The following ALG1 variants were observed in gnomAD, a reference collection of about 807,000 sequenced individuals.
ALG1 encodes chitobiosyldiphosphodolichol beta-mannosyltransferase.
ALG1 carries 58 observed loss-of-function variants against 55.1 expected under a neutral mutation model. That is an observed-to-expected ratio of 1.05 (90% CI 0.85 to 1.31). The LOEUF (loss-of-function observed/expected upper bound fraction) is 1.31, where lower values mean the gene tolerates loss of function less well. Ranked by LOEUF, ALG1 falls within the 50% of genes most tolerant of loss-of-function variation. The pLI, the probability that ALG1 is intolerant of heterozygous loss-of-function variation, is 0.00. For missense variants in ALG1, 761 were observed against 598.6 expected, an observed-to-expected ratio of 1.27 and a Z score of -2.83; for synonymous variants, 309 against 247.0, an observed-to-expected ratio of 1.25 and a Z score of -2.35.
chr16:5,080,369 C>T (rs1310152932), intron 9 of ALG1, among the ~76,000 whole-genome samples: 2 of 152,314 alleles, frequency 1.3e-5, no homozygotes, highest in East Asian at 1.9e-4. Flanking sequence ...CCGGCCATGT[C>T]ATTGGTGCCT....
chr16:5,080,603 CAGG>C (rs199568622), intron 9 of ALG1, among the ~76,000 whole-genome samples: 2,005 of 152,282 alleles, frequency 0.013, 22 homozygotes, highest in Non-Finnish European at 0.021. Context: ...TGTGCCAGGG[CAGG>C]AGGAGTCCTC....
At chr16:5,075,732 C>G (rs373387073) in intron 4 of ALG1, among the ~76,000 whole-genome samples, 196 bp downstream of exon 4, 1 of 152,148 alleles carries the variant, frequency 6.6e-6, no homozygotes, top group Non-Finnish European at 1.5e-5. Context: ...TTTTTTGGCC[C>G]ATGAAATGGA....
intron 3 of ALG1, 73 bp from the exon 4 acceptor site, chr16:5,075,315 G>A: frequency 2.7e-6 from 4 of 1,500,640 alleles, no homozygotes; most frequent in Non-Finnish European, 2.8e-6. Context: ...CATGTGTGTT[G>A]TGACTATTTT....
intron 5 of ALG1, 30 bp from the exon 6 acceptor site, chr16:5,077,877 C>T (rs1267572030): frequency 6.2e-7 from 1 of 1,602,976 alleles, no homozygotes. Context: ...CTTCAGCCCT[C>T]CCAATAGCCC....
intron 12 of ALG1, chr16:5,084,508 C>G (rs1006577379): frequency 1.5e-6 from 1 of 663,100 alleles, no homozygotes; most frequent in African/African-American, 1.8e-5. Context: ...ACGTAGAGGC[C>G]GGGAGGTGCT....
chr16:5,080,152 C>T (rs937231597), intron 9 of ALG1, among the ~76,000 whole-genome samples: 2 of 150,018 alleles, frequency 1.3e-5, no homozygotes, highest in Admixed American at 6.7e-5. Flanking sequence ...ACTGCAACCT[C>T]CGCCTCCCAC....
At chr16:5,079,335 C>A (rs1956975293) in intron 8 of ALG1, among the ~76,000 whole-genome samples, 2 of 152,188 alleles carry the variant, frequency 1.3e-5, no homozygotes, top group South Asian at 4.1e-4. Flanking sequence ...CTGGTGGCCT[C>A]CCCGCCAGAG....
Position 5,085,661 on chromosome 16 carries a change from C to A in ALG1, c.*780C>A. 1 of 1,611,594 alleles carries A rather than the reference C, an allele frequency of 6.2e-7. No individual in the cohort carries two copies. The highest frequency in any genetic ancestry group is 8.5e-7 in the Non-Finnish European group (1 of 1,179,486). Reference sequence around the variant, plus strand: ...AGGGTGAGATTCAGCATTGCCATCTCCAAGTGCTCTTCGTAGGGAAACAGT... The same window carrying A: ...AGGGTGAGATTCAGCATTGCCATCTACAAGTGCTCTTCGTAGGGAAACAGT... On this transcript the variant is annotated 3_prime_UTR_variant, in exon 13 of 13. Transcript: ENST00000262374.
chr16:5,072,667 T>C (rs1013735594), intron 1 of ALG1, among the ~76,000 whole-genome samples: 2 of 152,092 alleles, frequency 1.3e-5, no homozygotes, highest in Non-Finnish European at 2.9e-5. Context: ...GTGGGAAAAT[T>C]CCACTATCCA....
At chr16:5,084,053 C>T (rs1194051473) in intron 12 of ALG1, among the ~76,000 whole-genome samples, 2 of 152,190 alleles carry the variant, frequency 1.3e-5, no homozygotes, top group African/African-American at 4.8e-5. Context: ...TGATCAGGAT[C>T]ACGTAGGTGG....
At position 5,085,695 on chromosome 16, in the gene ALG1, A is replaced by T. The variant is rs1301894696; in HGVS notation, c.*814A>T. The T allele has an allele frequency of 5.6e-6, 9 of 1,611,916 alleles. No individual in the cohort carries two copies. In the South Asian group the frequency reaches 8.8e-5, roughly 16 times the overall value. On this transcript the variant is annotated 3_prime_UTR_variant, in exon 13 of 13. Transcript: ENST00000262374. ...CTTCGTAGGGAAACAGTTTCTGCTC[A>T]TGACGAGGTTCCACTTCCCATCTGA... is the stretch of plus-strand genomic sequence containing the variant.
At chr16:5,078,256 T>C in intron 6 of ALG1, 2 of 693,180 alleles carry the variant, frequency 2.9e-6, no homozygotes, top group Non-Finnish European at 5.2e-6. Context: ...AGAGAACCTG[T>C]GGCCCGCAAA....
chr16:5,083,584 G>C (rs747351596), intron 11 of ALG1, 98 bp from the exon 12 acceptor site: 4 of 1,589,586 alleles, frequency 2.5e-6, no homozygotes, highest in Non-Finnish European at 3.4e-6. Flanking sequence ...CCCCCAGCCT[G>C]GCTTGAGCAT....
chr16:5,082,167 A>G (rs968525778), intron 10 of ALG1, among the ~76,000 whole-genome samples: 6 of 151,532 alleles, frequency 4.0e-5, no homozygotes, highest in African/African-American at 1.5e-4. Flanking sequence ...CTGGTCTTGA[A>G]CTCCTGACCT....
In ALG1 at chr16:5,073,182, A is replaced by G. The variant is rs1956850113; in HGVS notation, c.316A>G (p.Lys106Glu). Residue 106 changes from lysine (K) to glutamate (E), a missense_variant, in exon 3 of 13, where the codon AAA (lysine) becomes GAA (glutamate). Coordinates refer to ENST00000262374, the MANE Select transcript of ALG1 (RefSeq NM_019109.5). Reference protein sequence around the residue: ...VGPRVFQYGVKVVLQAMYLLW... With the variant: ...VGPRVFQYGVEVVLQAMYLLW... Reference sequence around the variant, plus strand: ...GCCCCGAGTTTTCCAGTACGGAGTCAAAGTTGTACTTCAGGCTATGTACTT... The same window carrying G: ...GCCCCGAGTTTTCCAGTACGGAGTCGAAGTTGTACTTCAGGCTATGTACTT... The G allele has an allele frequency of 6.2e-7, 1 of 1,614,214 alleles. No individual in the cohort carries two copies. The highest frequency in any genetic ancestry group is 8.5e-7 in the Non-Finnish European group (1 of 1,180,040).
intron 3 of ALG1, 81 bp from the exon 4 acceptor site, chr16:5,075,307 T>C: frequency 4.9e-6 from 7 of 1,421,844 alleles, no homozygotes; most frequent in Non-Finnish European, 7.0e-6. Context: ...CTCATCACCA[T>C]GTGTGTTGTG....
chr16:5,079,675 T>G (rs1956982145), intron 8 of ALG1, 73 bp from the exon 9 acceptor site: 6 of 1,523,514 alleles, frequency 3.9e-6, no homozygotes, highest in Non-Finnish European at 5.4e-6. Context: ...GGTGACAGAG[T>G]GAGAGTCTGT....
At chr16:5,075,052 T>C (rs1392704480) in intron 3 of ALG1, among the ~76,000 whole-genome samples, 1 of 152,060 alleles carries the variant, frequency 6.6e-6, no homozygotes, top group Non-Finnish European at 1.5e-5. Context: ...TGCAGGTGTG[T>C]CCCACCACAC....
At position 5,079,870 on chromosome 16, in the gene ALG1, G is replaced by A. The variant is rs1596258546; in HGVS notation, c.961+63G>A. The stretch of plus-strand genomic sequence containing the variant: ...GATGGCGGAGGGGGAGGGGCACGCA[G>A]CCTTTACCCTGTGCTTCCCATGATC... On this transcript the variant is annotated intron_variant, in intron 9 of 12. Coordinates refer to ENST00000262374, the MANE Select transcript of ALG1 (RefSeq NM_019109.5). The A allele has an allele frequency of 3.8e-6, 6 of 1,559,666 alleles. No individual in the cohort carries two copies. The East Asian group carries it at 1.3e-4, about 35-fold the overall frequency.
Sources: gnomAD v4.1 joint callset for allele counts (sites outside exome capture counted in the v4.1 genomes callset) on GRCh38, gnomAD v4.1.1 for gene constraint, MANE v1.5 for transcripts, NCBI Gene and HGNC (gene_info 2026-07-23, HGNC 2026-07-21) for gene names.